Variants in PTPRD observed in about 807,000 individuals in gnomAD.
The protein encoded by PTPRD is protein tyrosine phosphatase receptor type D.
In PTPRD, 34 loss-of-function variants were observed where a neutral mutation model predicts 214.5. The observed-to-expected ratio is 0.16, with a 90% CI of 0.12 to 0.21. The LOEUF (loss-of-function observed/expected upper bound fraction) is 0.21. PTPRD is among the 10% of genes least tolerant of loss of function. The probability of loss-of-function intolerance (pLI) is 1.00; values close to 1 mark genes in which losing one functional copy is unlikely to be tolerated. For missense variants in PTPRD, 2,545 were observed against 2,398.7 expected (o/e 1.06, Z -1.27); for synonymous variants, 1,128 against 845.7 (o/e 1.33, Z -5.79).
intron 11 of PTPRD, among the ~76,000 whole-genome samples, chr9:8,842,010 C>CAA (rs35878855): frequency 0.24 from 35,640 of 146,610 alleles, 5,085 homozygotes; most frequent in African/African-American, 0.38. Flanking sequence ...GACACAGTCT[C>CAA]AAAAAAAAAA....
At chr9:9,441,388 TAGACAAAA>T (rs2087705109) in intron 8 of PTPRD, among the ~76,000 whole-genome samples, 1 of 152,138 alleles carries the variant, frequency 6.6e-6, no homozygotes, top group African/African-American at 2.4e-5. Flanking sequence ...AATAAACTGC[TAGACAAAA>T]GAAAAAGTAT....
intron 7 of PTPRD, among the ~76,000 whole-genome samples, chr9:9,699,555 A>T (rs1595534363): frequency 6.6e-6 from 1 of 152,130 alleles, no homozygotes; most frequent in African/African-American, 2.4e-5. Flanking sequence ...CTTATCTATT[A>T]GAACAGTTTT....
intron 12 of PTPRD, among the ~76,000 whole-genome samples, chr9:8,646,514 C>T (rs940547324): frequency 6.6e-6 from 1 of 152,112 alleles, no homozygotes; most frequent in African/African-American, 2.4e-5. Context: ...CATCTCGATG[C>T]CTCAGTACAG....
At chr9:8,675,953 C>T (rs1175443373) in intron 12 of PTPRD, among the ~76,000 whole-genome samples, 1 of 152,162 alleles carries the variant, frequency 6.6e-6, no homozygotes, top group African/African-American at 2.4e-5. Flanking sequence ...CCCTGACCTT[C>T]GGGATCAACT....
At chr9:10,543,108 C>T (rs1456480971) in intron 2 of PTPRD, among the ~76,000 whole-genome samples, 1 of 151,952 alleles carries the variant, frequency 6.6e-6, no homozygotes, top group Non-Finnish European at 1.5e-5. Context: ...TGGTCCTGAA[C>T]TCCCGACCTC....
chr9:8,591,351 T>C (rs2094091779), intron 14 of PTPRD, among the ~76,000 whole-genome samples: 1 of 152,154 alleles, frequency 6.6e-6, no homozygotes, highest in Non-Finnish European at 1.5e-5. Context: ...GAAAATCATA[T>C]TTTGCTCCTG....
chr9:8,872,596 T>C (rs2098321677), intron 11 of PTPRD, among the ~76,000 whole-genome samples: 3 of 152,238 alleles, frequency 2.0e-5, no homozygotes, highest in Admixed American at 1.3e-4. Context: ...CAAAGCGTGA[T>C]AGAACTAGGA....
chr9:9,339,401 G>A (rs537421903), intron 9 of PTPRD, among the ~76,000 whole-genome samples: 1 of 152,168 alleles, frequency 6.6e-6, no homozygotes, highest in African/African-American at 2.4e-5. Flanking sequence ...CAGGAGAATG[G>A]TGTGAACCTG....
In PTPRD at chr9:9,100,319, T is replaced by C. The variant is rs139310912; in HGVS notation, c.-142-81584A>G. On this transcript the variant is annotated intron_variant, in intron 10 of 45. Transcript: ENST00000381196. ...CTGCAACCCTGTAGCTCTTCCATTT[T>C]GGCATCAGAATTTATAGAAAAGAGC... Among the ~76,000 whole-genome samples the C allele has an allele frequency of 8.1e-3, 1,231 of 152,290 alleles. 7 individuals are homozygous for C. Among genetic ancestry groups the C allele is most frequent in the Non-Finnish European group, 0.015 (999 of 67,984 alleles).
chr9:10,290,904 C>A (rs1395639906), intron 3 of PTPRD, among the ~76,000 whole-genome samples: 1 of 151,888 alleles, frequency 6.6e-6, no homozygotes, highest in Non-Finnish European at 1.5e-5. Context: ...TAAAATAAAC[C>A]CTCTTGATCT....
At chr9:9,315,345 GTATATACAACTTATTATTGACAATA>G in intron 9 of PTPRD, among the ~76,000 whole-genome samples, 1 of 152,052 alleles carries the variant, frequency 6.6e-6, no homozygotes, top group Middle Eastern at 3.4e-3. Flanking sequence ...ATGTGTGTAT[GTATATACAACTTATTATTGACAATA>G]TTGCTACAAA....
chr9:10,036,820 G>A (rs1193679751), intron 3 of PTPRD, among the ~76,000 whole-genome samples: 1 of 151,978 alleles, frequency 6.6e-6, no homozygotes, highest in African/African-American at 2.4e-5. Context: ...TTGACCTTGT[G>A]ATCTGCCCGC....
chr9:8,467,017 G>A (rs1293773076), intron 31 of PTPRD, among the ~76,000 whole-genome samples: 1 of 151,852 alleles, frequency 6.6e-6, no homozygotes, highest in East Asian at 1.9e-4. Context: ...ACTGGGAGTA[G>A]TAAATGTGTT....
intron 11 of PTPRD, chr9:8,962,031 G>A (rs1281734346): frequency 6.6e-6 from 1 of 152,052 alleles, no homozygotes; most frequent in East Asian, 1.9e-4. Context: ...TCCCCTTTAT[G>A]TCAACATGGG....
At chr9:8,329,995 C>T (rs1423891700) in intron 44 of PTPRD, among the ~76,000 whole-genome samples, 1 of 151,754 alleles carries the variant, frequency 6.6e-6, no homozygotes, top group Non-Finnish European at 1.5e-5. Flanking sequence ...GGGGGTGGGA[C>T]ACACCAAGCC....
chr9:9,530,886 A>G (rs561084045), intron 8 of PTPRD, among the ~76,000 whole-genome samples: 3 of 152,234 alleles, frequency 2.0e-5, no homozygotes, highest in Admixed American at 2.0e-4. Flanking sequence ...CCAGGGAAGA[A>G]TATGGGTGGG....
chr9:8,598,260 T>C (rs1325394898), intron 14 of PTPRD, among the ~76,000 whole-genome samples: 1 of 152,132 alleles, frequency 6.6e-6, no homozygotes, highest in Non-Finnish European at 1.5e-5. Context: ...GAGACCAGCC[T>C]GGCCAACATG....
intron 3 of PTPRD, among the ~76,000 whole-genome samples, chr9:10,035,189 T>C (rs976894936): frequency 1.1e-4 from 17 of 152,164 alleles, no homozygotes; most frequent in Admixed American, 9.8e-4. Context: ...AATTTGCATT[T>C]CTCTAATGAT....
chr9:8,389,833 A>G (rs140872468), intron 36 of PTPRD, among the ~76,000 whole-genome samples: 33 of 152,306 alleles, frequency 2.2e-4, no homozygotes, highest in Non-Finnish European at 1.8e-4. Flanking sequence ...CACCATAATA[A>G]TGAAAAATTC....
Sources: allele counts gnomAD v4.1 joint callset (sites outside exome capture counted in the v4.1 genomes callset), GRCh38; gene constraint gnomAD v4.1.1; transcripts MANE v1.5; gene names NCBI Gene and HGNC (gene_info 2026-07-23, HGNC 2026-07-21).